CFAP251: variants seen among roughly 807,000 people sequenced by gnomAD.
CFAP251 encodes cilia- and flagella-associated protein 251.
CFAP251 carries 93 observed loss-of-function variants against 126.7 expected under a neutral mutation model. The observed-to-expected ratio is 0.73, with a 90% CI of 0.62 to 0.87. The LOEUF is 0.87. Ranked by LOEUF, CFAP251 falls within the 40% of genes least tolerant of loss-of-function variation. The probability of loss-of-function intolerance (pLI) is 0.00; values close to 1 mark genes in which losing one functional copy is unlikely to be tolerated. For missense variants in CFAP251, 1,287 were observed against 1,389.2 expected (o/e 0.93, Z 1.17); for synonymous variants, 503 against 506.9 (o/e 0.99, Z 0.10).
chr12:121,963,566 G>A lies in CFAP251; in HGVS notation c.2492+1404G>A, dbSNP rs2135787504. ...AGGGAGTCCACAGCCAGGGAGCAGGGCATCTGCAGCCCAGCATCCTAGAGT... is the reference window on the plus strand; with the variant it reads ...AGGGAGTCCACAGCCAGGGAGCAGGACATCTGCAGCCCAGCATCCTAGAGT... On this transcript the variant is annotated intron_variant, in intron 15 of 21. Transcript: ENST00000288912. Among the ~76,000 whole-genome samples, 3 of 150,846 alleles carry A rather than the reference G, an allele frequency of 2.0e-5. 1 individual carries two copies. The Admixed American group carries it at 2.0e-4, about 10-fold the overall frequency.
intron 19 of CFAP251, among the ~76,000 whole-genome samples, chr12:121,977,014 A>G (rs1349090183): frequency 6.6e-6 from 1 of 152,244 alleles, no homozygotes; most frequent in Non-Finnish European, 1.5e-5. Flanking sequence ...ATAATCATGC[A>G]TCATTTAATG....
intron 19 of CFAP251, among the ~76,000 whole-genome samples, chr12:121,984,901 AAC>A (rs1332463225): frequency 2.4e-4 from 36 of 152,276 alleles, no homozygotes; most frequent in Admixed American, 9.8e-4. Context: ...TAGTTCTGTA[AAC>A]TTAAGTCTAA....
At chr12:121,987,334 A>G (rs1356967146) in intron 19 of CFAP251, among the ~76,000 whole-genome samples, 2 of 152,230 alleles carry the variant, frequency 1.3e-5, no homozygotes, top group African/African-American at 4.8e-5. Context: ...CAGAAAGATC[A>G]GAGCAAGACA....
intron 15 of CFAP251, among the ~76,000 whole-genome samples, chr12:121,965,406 C>A: frequency 6.6e-6 from 1 of 152,170 alleles, no homozygotes; most frequent in African/African-American, 2.4e-5. Flanking sequence ...TTTATCATAT[C>A]TTCTGACTTC....
At chr12:121,937,915 C>T (rs948434522) in intron 5 of CFAP251, among the ~76,000 whole-genome samples, 2 of 152,196 alleles carry the variant, frequency 1.3e-5, no homozygotes, top group Admixed American at 6.5e-5. Flanking sequence ...AAGGTTCATC[C>T]GTGGTGTGGC....
At chr12:121,960,529 T>G in intron 13 of CFAP251, 56 bp from the exon 14 acceptor site, 1 of 1,594,418 alleles carries the variant, frequency 6.3e-7, no homozygotes, top group Non-Finnish European at 8.6e-7. Flanking sequence ...ATAATGATGA[T>G]TCTTAATTTA....
At chr12:121,984,244 G>A (rs1192537615) in intron 19 of CFAP251, among the ~76,000 whole-genome samples, 1 of 152,130 alleles carries the variant, frequency 6.6e-6, no homozygotes, top group Admixed American at 6.5e-5. Flanking sequence ...GCTGTGCTCA[G>A]GAGCAAAACA....
intron 3 of CFAP251, among the ~76,000 whole-genome samples, chr12:121,926,804 G>C (rs763569372): frequency 6.6e-6 from 1 of 152,102 alleles, no homozygotes; most frequent in Non-Finnish European, 1.5e-5. Flanking sequence ...TCAGCCGGGC[G>C]TGGTGGTGCA....
At chr12:121,943,878 T>C (rs1444816315) in intron 7 of CFAP251, among the ~76,000 whole-genome samples, 1 of 152,244 alleles carries the variant, frequency 6.6e-6, no homozygotes. Flanking sequence ...AAAAAAGATA[T>C]TAATATCTGT....
rs1317701670 is a variant in CFAP251, at chr12:121,975,622, C to T, written c.2943C>T (p.His981=). The T allele has an allele frequency of 1.2e-6, 2 of 1,602,350 alleles. No homozygotes were observed. Among genetic ancestry groups the T allele is most frequent in the South Asian group, 1.1e-5 (1 of 88,254 alleles). The change falls in exon 19 of 22, where the codon CAC becomes CAT. Residue 981 remains histidine, a synonymous_variant. Transcript: ENST00000288912. ...DTMETRKVSE[H]ICLSELPFVM... Reference sequence around the variant, plus strand: ...TGGAGACCAGAAAGGTGTCAGAACACATTTGCCTGTCAGAGCTTCCTTTTG... The same window carrying T: ...TGGAGACCAGAAAGGTGTCAGAACATATTTGCCTGTCAGAGCTTCCTTTTG...
intron 15 of CFAP251, among the ~76,000 whole-genome samples, 187 bp from the exon 16 acceptor site, chr12:121,966,768 T>G (rs1172134062): frequency 6.6e-6 from 1 of 151,804 alleles, no homozygotes; most frequent in Non-Finnish European, 1.5e-5. Flanking sequence ...GTATTTTTAG[T>G]AGAGACGGGG....
At chr12:121,996,228 G>A (rs775277000) in intron 19 of CFAP251, among the ~76,000 whole-genome samples, 5 of 152,206 alleles carry the variant, frequency 3.3e-5, no homozygotes, top group Non-Finnish European at 7.3e-5. Flanking sequence ...CTGTTCTTTG[G>A]CAGGAGCAGG....
intron 9 of CFAP251, chr12:121,952,742 T>C (rs527650590): frequency 6.6e-6 from 1 of 152,164 alleles, no homozygotes; most frequent in African/African-American, 2.4e-5. Context: ...TAGAAATTTA[T>C]TTAAGAGGGC....
intron 17 of CFAP251, among the ~76,000 whole-genome samples, chr12:121,970,972 G>A (rs1296231083): frequency 2.6e-5 from 4 of 152,200 alleles, no homozygotes; most frequent in Non-Finnish European, 5.9e-5. Context: ...GTCAGTTGAC[G>A]GTGGCCAGGA....
At chr12:121,964,607 T>C in intron 15 of CFAP251, among the ~76,000 whole-genome samples, 1 of 152,182 alleles carries the variant, frequency 6.6e-6, no homozygotes, top group East Asian at 1.9e-4. Flanking sequence ...AATGAACCAT[T>C]TGAAAGTGAA....
At chr12:121,970,268 TCTC>T (rs2135795095) in intron 17 of CFAP251, among the ~76,000 whole-genome samples, 1 of 152,164 alleles carries the variant, frequency 6.6e-6, no homozygotes, top group South Asian at 2.1e-4. Context: ...CCCTTTCTCT[TCTC>T]CTTGTCTGGC....
At chr12:121,945,127 A>G (rs1565908099) in intron 7 of CFAP251, among the ~76,000 whole-genome samples, 1 of 151,860 alleles carries the variant, frequency 6.6e-6, no homozygotes, top group Admixed American at 6.6e-5. Flanking sequence ...ATTGTCATCT[A>G]TTCCCAAGGC....
intron 20 of CFAP251, among the ~76,000 whole-genome samples, chr12:122,001,246 G>T (rs1215230869): frequency 6.6e-6 from 1 of 151,530 alleles, no homozygotes; most frequent in Non-Finnish European, 1.5e-5. Flanking sequence ...AGTAGAGATG[G>T]GGTTTCACCA....
intron 19 of CFAP251, among the ~76,000 whole-genome samples, chr12:121,992,720 G>C (rs1882903099): frequency 6.6e-6 from 1 of 151,774 alleles, no homozygotes; most frequent in Admixed American, 6.6e-5. Context: ...TGGGACTACA[G>C]GCACATGCGC....
Sources: allele counts gnomAD v4.1 joint callset (sites outside exome capture counted in the v4.1 genomes callset), GRCh38; gene constraint gnomAD v4.1.1; transcripts MANE v1.5; gene names NCBI Gene and HGNC (gene_info 2026-07-23, HGNC 2026-07-21).